The following CNTNAP5 variants were observed in gnomAD, a reference collection of about 807,000 sequenced individuals.
The protein encoded by CNTNAP5 is contactin-associated protein-like 5.
CNTNAP5 carries 72 observed loss-of-function variants against 150.2 expected under a neutral mutation model. That is an observed-to-expected ratio of 0.48 (90% confidence interval 0.40 to 0.58). The LOEUF is 0.58. Ranked by LOEUF, CNTNAP5 falls within the 20% of genes least tolerant of loss-of-function variation. CNTNAP5 has a pLI of 0.00. For synonymous variants in CNTNAP5, 672 were observed against 619.8 expected, an observed-to-expected ratio of 1.08 and a Z score of -1.25; for missense variants, 1,636 against 1,626.2, an observed-to-expected ratio of 1.01 and a Z score of -0.10.
At chr2:124,259,733 G>A (rs1369564413) in intron 3 of CNTNAP5, among the ~76,000 whole-genome samples, 3 of 152,132 alleles carry the variant, frequency 2.0e-5, no homozygotes, top group African/African-American at 7.2e-5. Flanking sequence ...CAGACAAGCA[G>A]AGAGCCAAAT....
intron 12 of CNTNAP5, among the ~76,000 whole-genome samples, chr2:124,626,888 T>C (rs1573506402): frequency 1.3e-5 from 2 of 152,132 alleles, no homozygotes; most frequent in African/African-American, 2.4e-5. Flanking sequence ...TGACCATCAT[T>C]ACTGTGGCTT....
chr2:124,243,733 A>T (rs1686944627), intron 3 of CNTNAP5, among the ~76,000 whole-genome samples: 1 of 152,120 alleles, frequency 6.6e-6, no homozygotes, highest in African/African-American at 2.4e-5. Context: ...GGGTGATGAA[A>T]TCATTTGTAC....
chr2:124,545,393 T>C (rs1052851652), intron 10 of CNTNAP5, among the ~76,000 whole-genome samples: 1 of 152,140 alleles, frequency 6.6e-6, no homozygotes, highest in African/African-American at 2.4e-5. Context: ...ACCCCCAAGT[T>C]CTGTGACTAT....
chr2:124,270,462 A>C (rs935844886), intron 3 of CNTNAP5, among the ~76,000 whole-genome samples: 1 of 152,174 alleles, frequency 6.6e-6, no homozygotes, highest in South Asian at 2.1e-4. Context: ...AATGACAAAA[A>C]TAAAGCTCCT....
At chr2:124,433,293 T>C (rs1692437585) in intron 4 of CNTNAP5, among the ~76,000 whole-genome samples, 1 of 152,218 alleles carries the variant, frequency 6.6e-6, no homozygotes, top group African/African-American at 2.4e-5. Flanking sequence ...GGACAGTTTA[T>C]TTTTAAAGTC....
At chr2:124,077,326 C>A (rs17010824) in intron 1 of CNTNAP5, among the ~76,000 whole-genome samples, 7,270 of 151,976 alleles carry the variant, frequency 0.048, 578 homozygotes, top group African/African-American at 0.16. Context: ...GTATTGTAAG[C>A]CTTATTTGAG....
intron 1 of CNTNAP5, among the ~76,000 whole-genome samples, chr2:124,077,986 A>C (rs1472517413): frequency 6.6e-6 from 1 of 152,220 alleles, no homozygotes; most frequent in Admixed American, 6.5e-5. Context: ...TGCAAGAAAA[A>C]TGACAATGAA....
chr2:124,058,611 AT>A (rs1021455940), intron 1 of CNTNAP5, among the ~76,000 whole-genome samples: 1 of 152,170 alleles, frequency 6.6e-6, no homozygotes, highest in Non-Finnish European at 1.5e-5. Context: ...ATCTCACTGC[AT>A]TTAAATGTTT....
chr2:124,121,309 AG>A (rs1166048620), intron 1 of CNTNAP5, among the ~76,000 whole-genome samples: 1 of 152,220 alleles, frequency 6.6e-6, no homozygotes, highest in Non-Finnish European at 1.5e-5. Flanking sequence ...ACACTTCATC[AG>A]TGCGAACCCT....
intron 3 of CNTNAP5, among the ~76,000 whole-genome samples, chr2:124,382,057 T>C (rs1396360594): frequency 6.6e-6 from 1 of 152,152 alleles, no homozygotes; most frequent in Non-Finnish European, 1.5e-5. Flanking sequence ...ATTTGTGAGA[T>C]GTATTAAGGC....
At chr2:124,722,164 C>A (rs1169032483) in intron 13 of CNTNAP5, among the ~76,000 whole-genome samples, 1 of 152,104 alleles carries the variant, frequency 6.6e-6, no homozygotes, top group Non-Finnish European at 1.5e-5. Flanking sequence ...CAATTCAGTT[C>A]ATAACATTCT....
At chr2:124,556,183 G>C (rs996547674) in intron 10 of CNTNAP5, among the ~76,000 whole-genome samples, 2 of 152,128 alleles carry the variant, frequency 1.3e-5, no homozygotes, top group African/African-American at 4.8e-5. Context: ...TAGAGTACAG[G>C]CTTCAGTGAC....
intron 1 of CNTNAP5, among the ~76,000 whole-genome samples, chr2:124,173,282 T>C (rs1200782038): frequency 6.6e-6 from 1 of 152,212 alleles, no homozygotes; most frequent in Non-Finnish European, 1.5e-5. Context: ...AGCCTCTCAG[T>C]ACTCAAGTGA....
chr2:124,797,968 T>A, intron 18 of CNTNAP5, 128 bp from the exon 19 acceptor site: 1 of 639,166 alleles, frequency 1.6e-6, no homozygotes, highest in Non-Finnish European at 2.7e-6. Flanking sequence ...GTGGGGAACA[T>A]GTTGTCTGAT....
chr2:124,295,014 G>A (rs1469112035), intron 3 of CNTNAP5, among the ~76,000 whole-genome samples: 1 of 151,996 alleles, frequency 6.6e-6, no homozygotes, highest in Non-Finnish European at 1.5e-5. Flanking sequence ...GCTGAGGCAT[G>A]GGAATTGCTT....
At position 124,180,291 on chromosome 2, in the gene CNTNAP5, T is replaced by C. The variant is rs191669569; in HGVS notation, c.83-41414T>C. Among the ~76,000 whole-genome samples, 181 of 152,340 alleles carry C rather than the reference T, an allele frequency of 1.2e-3. 1 individual carries two copies. The highest frequency in any genetic ancestry group is 9.0e-3 in the Admixed American group (138 of 15,306). ...ATCAGATATGATTCTCGAGAATCTA[T>C]TTCCTGCTTGTTTTCTGGAAGCGCT... On this transcript the variant is annotated intron_variant, in intron 1 of 23. Transcript: ENST00000682447.
intron 3 of CNTNAP5, among the ~76,000 whole-genome samples, chr2:124,411,370 T>G (rs1340242253): frequency 6.6e-6 from 1 of 152,024 alleles, no homozygotes; most frequent in Non-Finnish European, 1.5e-5. Flanking sequence ...CCTCCCTAAC[T>G]CATTTTATGA....
At position 124,359,271 on chromosome 2, in the gene CNTNAP5, A is replaced by AT. The variant is rs1366713871; in HGVS notation, c.382-58166dup. Among the ~76,000 whole-genome samples, 29 of 150,646 alleles carry AT rather than the reference A, an allele frequency of 1.9e-4. 1 individual carries two copies. In the East Asian group the frequency reaches 4.4e-3, roughly 23 times the overall value. On this transcript the variant is annotated intron_variant, in intron 3 of 23. Transcript: ENST00000682447. The stretch of plus-strand genomic sequence containing the variant: ...AAAAAACCAGCTCCTGGATTCATTG[A>AT]TTTTTTGAAGGGTTTTTTGTGTCTC...
At chr2:124,789,837 A>C in intron 17 of CNTNAP5, 65 bp from the exon 18 acceptor site, 2 of 1,498,904 alleles carry the variant, frequency 1.3e-6, no homozygotes, top group Non-Finnish European at 1.8e-6. Context: ...CCATGCCAAC[A>C]TTAAACCTAA....
Sources: gnomAD v4.1 joint callset for allele counts (sites outside exome capture counted in the v4.1 genomes callset) on GRCh38, gnomAD v4.1.1 for gene constraint, MANE v1.5 for transcripts, NCBI Gene and HGNC (gene_info 2026-07-23, HGNC 2026-07-21) for gene names.